TAFA2: variants seen among roughly 807,000 people sequenced by gnomAD.
TAFA2 encodes chemokine-like protein TAFA-2.
A neutral mutation model predicts 18.8 loss-of-function variants in TAFA2; 7 were observed. That is an observed-to-expected ratio of 0.37 (90% CI 0.21 to 0.70). The LOEUF (loss-of-function observed/expected upper bound fraction) is 0.70, where lower values mean the gene tolerates loss of function less well. TAFA2 is among the 30% of genes least tolerant of loss of function. The probability of loss-of-function intolerance (pLI) is 0.53; values close to 1 mark genes in which losing one functional copy is unlikely to be tolerated. For synonymous variants in TAFA2, 60 were observed against 54.2 expected, an observed-to-expected ratio of 1.11 and a Z score of -0.47; for missense variants, 122 against 158.1, an observed-to-expected ratio of 0.77 and a Z score of 1.23.
intron 4 of TAFA2, among the ~76,000 whole-genome samples, chr12:61,729,510 ATTG>A (rs1470957107): frequency 2.0e-5 from 3 of 151,720 alleles, no homozygotes; most frequent in Non-Finnish European, 4.4e-5. Flanking sequence ...GTTCAATTCT[ATTG>A]TTGATACTTT....
At chr12:62,010,018 A>G (rs1452229443) in intron 1 of TAFA2, among the ~76,000 whole-genome samples, 1 of 152,208 alleles carries the variant, frequency 6.6e-6, no homozygotes, top group Admixed American at 6.5e-5. Flanking sequence ...GTCTCATAAC[A>G]TATTTAAATG....
chr12:62,228,376 A>C (rs1264619421), intron 1 of TAFA2, among the ~76,000 whole-genome samples: 2 of 152,140 alleles, frequency 1.3e-5, no homozygotes, highest in Non-Finnish European at 2.9e-5. Flanking sequence ...TGGTAGAATG[A>C]CTTATTTTCC....
chr12:61,934,642 T>G (rs1877692213), intron 1 of TAFA2, among the ~76,000 whole-genome samples: 1 of 152,220 alleles, frequency 6.6e-6, no homozygotes, highest in Admixed American at 6.5e-5. Flanking sequence ...TGACTTCAAC[T>G]TCTCCAGATG....
chr12:61,898,244 TC>T (rs1454455935), intron 1 of TAFA2, among the ~76,000 whole-genome samples: 2 of 152,204 alleles, frequency 1.3e-5, no homozygotes, highest in Non-Finnish European at 1.5e-5. Context: ...CTGCATCTTT[TC>T]CAGATGCATG....
intron 1 of TAFA2, among the ~76,000 whole-genome samples, chr12:62,035,733 CTTTTTTTTTTTTTTT>C (rs34859628): frequency 3.3e-5 from 2 of 60,228 alleles, no homozygotes; most frequent in Non-Finnish European, 5.8e-5. Flanking sequence ...ATGATTCTTT[CTTTTTTTTTTTTTTT>C]TTTTTTTTTT....
At chr12:62,108,497 T>C (rs1869566577) in intron 1 of TAFA2, among the ~76,000 whole-genome samples, 1 of 152,224 alleles carries the variant, frequency 6.6e-6, no homozygotes. Context: ...TTTGGGTACA[T>C]ACCCAGTAAG....
rs549474186 is a variant in TAFA2 at position 62,116,236 on chromosome 12, G to A, written c.-2+75023C>T. 1.2e-4 allele frequency among the ~76,000 whole-genome samples: 18 copies of A among 152,256 alleles called. No individual in the cohort carries two copies. In the South Asian group the frequency reaches 3.7e-3, roughly 32 times the overall value. On this transcript the variant is annotated intron_variant, in intron 1 of 4. Coordinates refer to ENST00000416284, the MANE Select transcript of TAFA2 (RefSeq NM_178539.5). ...CTTTCACAGCAGCATACACTGAGAT[G>A]CACGAAGCCCATGTGGCTACAATTG...
rs1354249462 is a variant in TAFA2, at chr12:61,733,790, C to T, written c.384+19832G>A. ...TGGTTCCATACGAACTTTAAAGTAG[C>T]TTTTTCCAATTCTGTGAAGAAAGGC... is the stretch of plus-strand genomic sequence containing the variant. On this transcript the variant is annotated intron_variant, in intron 4 of 4. Transcript: ENST00000416284. 2.6e-5 allele frequency among the ~76,000 whole-genome samples: 4 copies of T among 151,418 alleles called. No homozygotes were observed. The East Asian group carries it at 5.8e-4, about 22-fold the overall frequency.
chr12:62,030,688 A>G (rs1215818047), intron 1 of TAFA2, among the ~76,000 whole-genome samples: 2 of 152,208 alleles, frequency 1.3e-5, no homozygotes, highest in African/African-American at 4.8e-5. Context: ...ATCTGAAACT[A>G]TAGAAGACTT....
chr12:62,161,880 G>T (rs948394455), intron 1 of TAFA2, among the ~76,000 whole-genome samples: 1 of 152,088 alleles, frequency 6.6e-6, no homozygotes, highest in African/African-American at 2.4e-5. Flanking sequence ...GAAATTTGAT[G>T]ATGTTTTTAT....
chr12:61,975,564 C>T (rs1879403287), intron 1 of TAFA2, among the ~76,000 whole-genome samples: 1 of 90,618 alleles, frequency 1.1e-5, no homozygotes, highest in Non-Finnish European at 2.2e-5. Context: ...TCTTTATTTA[C>T]TCATCTGTTG....
At chr12:62,000,192 T>C (rs1053422064) in intron 1 of TAFA2, among the ~76,000 whole-genome samples, 1 of 114,324 alleles carries the variant, frequency 8.7e-6, no homozygotes, top group Non-Finnish European at 1.9e-5. Context: ...AGTTTAACCC[T>C]GTACATTAGC....
intron 1 of TAFA2, among the ~76,000 whole-genome samples, chr12:62,162,452 A>G (rs766590228): frequency 1.5e-4 from 23 of 152,180 alleles, no homozygotes; most frequent in Non-Finnish European, 3.1e-4. Flanking sequence ...TTAGCTATAT[A>G]AGACTGAGAT....
intron 2 of TAFA2, among the ~76,000 whole-genome samples, chr12:61,839,125 TG>T (rs1315240793): frequency 6.6e-6 from 1 of 152,084 alleles, no homozygotes; most frequent in Non-Finnish European, 1.5e-5. Context: ...GACAATTTTT[TG>T]TTCTCCAGGA....
Position 61,761,213 on chromosome 12 carries a change from C to T in TAFA2, c.107-6189G>A, listed in dbSNP as rs145886876. On this transcript the variant is annotated intron_variant, in intron 2 of 4. Coordinates refer to ENST00000416284, the MANE Select transcript of TAFA2 (RefSeq NM_178539.5). Reference sequence around the variant, plus strand: ...AGTCCCATAGGCATTTTACCAAAACCTCTGCTTCAAGCTGCTTTTTTGATG... The same window carrying T: ...AGTCCCATAGGCATTTTACCAAAACTTCTGCTTCAAGCTGCTTTTTTGATG... Among the ~76,000 whole-genome samples the T allele has an allele frequency of 1.3e-3, 193 of 152,100 alleles. 1 individual carries two copies. Among genetic ancestry groups the T allele is most frequent in the African/African-American group, 4.4e-3 (182 of 41,518 alleles).
Position 61,863,048 on chromosome 12 carries a change from T to C in TAFA2, c.106+4272A>G, listed in dbSNP as rs147063356. ...AATCATTAAGTAAACAAGCAACTTT[T>C]CCATGAGAAATATCCAACTGAAATG... On this transcript the variant is annotated intron_variant, in intron 2 of 4. Coordinates refer to ENST00000416284, the MANE Select transcript of TAFA2 (RefSeq NM_178539.5). Among the ~76,000 whole-genome samples the C allele has an allele frequency of 5.5e-4, 84 of 152,318 alleles. No homozygotes were observed. The East Asian group carries it at 0.016, about 29-fold the overall frequency.
chr12:62,082,050 T>G (rs887466960), intron 1 of TAFA2, among the ~76,000 whole-genome samples: 1 of 152,094 alleles, frequency 6.6e-6, no homozygotes, highest in African/African-American at 2.4e-5. Flanking sequence ...AGTGTTTGGT[T>G]TTCTGTTTCA....
intron 1 of TAFA2, among the ~76,000 whole-genome samples, chr12:61,874,261 T>C (rs1382026407): frequency 6.6e-6 from 1 of 152,166 alleles, no homozygotes. Context: ...CTTAGACAAC[T>C]TCAAAACACA....
intron 1 of TAFA2, among the ~76,000 whole-genome samples, chr12:62,106,887 C>CTT (rs5798632): frequency 6.6e-6 from 1 of 151,868 alleles, no homozygotes; most frequent in Non-Finnish European, 1.5e-5. Context: ...ATCACCGTAC[C>CTT]TTTTTTTTAT....
Sources: gnomAD v4.1 joint callset for allele counts (sites outside exome capture counted in the v4.1 genomes callset) on GRCh38, gnomAD v4.1.1 for gene constraint, MANE v1.5 for transcripts, NCBI Gene and HGNC (gene_info 2026-07-23, HGNC 2026-07-21) for gene names.